Variants in ESRRG observed in about 807,000 individuals in gnomAD.
ESRRG encodes estrogen related receptor gamma.
ESRRG carries 13 observed loss-of-function variants against 44.0 expected under a neutral mutation model. The ratio of observed to expected loss-of-function variants is 0.30; its 90% CI spans 0.19 to 0.47. The LOEUF (loss-of-function observed/expected upper bound fraction) is 0.47, where lower values mean the gene tolerates loss of function less well. Ranked by LOEUF, ESRRG falls within the 20% of genes least tolerant of loss-of-function variation. The probability of loss-of-function intolerance (pLI) is 1.00; values close to 1 mark genes in which losing one functional copy is unlikely to be tolerated. For synonymous variants in ESRRG, 215 were observed against 214.6 expected (o/e 1.00, Z -0.02); for missense variants, 395 against 580.6 (o/e 0.68, Z 3.29).
chr1:216,715,944 G>T (rs1318130726), intron 1 of ESRRG, among the ~76,000 whole-genome samples: 1 of 152,020 alleles, frequency 6.6e-6, no homozygotes, highest in East Asian at 1.9e-4. Context: ...AAAGAATTTA[G>T]TGTGCTTCTG....
At chr1:216,844,889 A>G (rs2095716399) in intron 2 of ESRRG, among the ~76,000 whole-genome samples, 1 of 152,170 alleles carries the variant, frequency 6.6e-6, no homozygotes, top group Admixed American at 6.5e-5. Flanking sequence ...CCAGAACACA[A>G]GTAACCAGAA....
chr1:217,132,771 G>A (rs535720303), intron 1 of ESRRG, among the ~76,000 whole-genome samples: 18 of 152,026 alleles, frequency 1.2e-4, no homozygotes, highest in Non-Finnish European at 2.4e-4. Flanking sequence ...CCTCGTTTTG[G>A]GGGTTACAGG....
At chr1:217,134,964 A>T (rs1304734592) in intron 1 of ESRRG, among the ~76,000 whole-genome samples, 2 of 152,180 alleles carry the variant, frequency 1.3e-5, no homozygotes, top group African/African-American at 4.8e-5. Context: ...GAATTCAGGG[A>T]CCTGACCCTG....
intron 3 of ESRRG, among the ~76,000 whole-genome samples, chr1:216,607,204 T>C (rs767084574): frequency 6.6e-6 from 1 of 152,142 alleles, no homozygotes; most frequent in Non-Finnish European, 1.5e-5. Flanking sequence ...TCCAGCTGAA[T>C]GCTGACCACA....
intron 2 of ESRRG, among the ~76,000 whole-genome samples, chr1:216,882,853 T>C (rs1277286877): frequency 6.6e-6 from 1 of 152,140 alleles, no homozygotes; most frequent in African/African-American, 2.4e-5. Flanking sequence ...CTTCATACTT[T>C]GTCAGCTGTC....
intron 4 of ESRRG, 42 bp downstream of exon 4, chr1:216,567,946 G>A (rs768315211): frequency 1.5e-6 from 2 of 1,314,702 alleles, no homozygotes; most frequent in Non-Finnish European, 2.2e-6. Flanking sequence ...CAACTGGGAG[G>A]ATTTCGTGTT....
chr1:216,586,324 G>C (rs890100891), intron 3 of ESRRG, among the ~76,000 whole-genome samples: 2 of 152,060 alleles, frequency 1.3e-5, no homozygotes, highest in South Asian at 2.1e-4. Flanking sequence ...CAAAATAAAG[G>C]CTTCTAAAGA....
intron 3 of ESRRG, among the ~76,000 whole-genome samples, chr1:216,600,078 C>T (rs1429416302): frequency 6.6e-6 from 1 of 152,214 alleles, no homozygotes; most frequent in Non-Finnish European, 1.5e-5. Flanking sequence ...ATGATGTCTT[C>T]TCTAGGAGCC....
intron 2 of ESRRG, among the ~76,000 whole-genome samples, chr1:216,886,399 C>T (rs765422532): frequency 2.6e-4 from 39 of 152,266 alleles, no homozygotes; most frequent in Middle Eastern, 3.4e-3. Context: ...AAACTGATAG[C>T]TACTGTCTAC....
At chr1:216,811,597 T>C (rs544565625) in intron 2 of ESRRG, among the ~76,000 whole-genome samples, 147 of 152,272 alleles carry the variant, frequency 9.7e-4, no homozygotes, top group African/African-American at 3.4e-3. Flanking sequence ...TCCAATTGGT[T>C]GAATTTCAAC....
chr1:217,097,843 T>TA (rs5780964), intron 1 of ESRRG, among the ~76,000 whole-genome samples: 10,188 of 138,996 alleles, frequency 0.073, 522 homozygotes, highest in South Asian at 0.19. Context: ...CCAGGCTGCT[T>TA]AAAAAAAAAA....
At chr1:216,558,614 A>G (rs907126068) in intron 5 of ESRRG, among the ~76,000 whole-genome samples, 1 of 152,126 alleles carries the variant, frequency 6.6e-6, no homozygotes, top group African/African-American at 2.4e-5. Context: ...TATAATTTGA[A>G]AATTATTTAT....
rs1189658250 is a variant in ESRRG, at chr1:216,542,091, A to T, written c.862+22128T>A. ...CTATGACAGAGAGAGAGAGAGAGAG[A>T]GAGAGAGAGAGAGAGAGAGATAGAA... On this transcript the variant is annotated intron_variant, in intron 5 of 6. Transcript: ENST00000408911. Among the ~76,000 whole-genome samples the T allele has an allele frequency of 2.0e-5, 3 of 151,852 alleles. No individual in the cohort carries two copies. In the South Asian group the frequency reaches 6.2e-4, roughly 32 times the overall value.
At chr1:216,567,120 G>T (rs2059812168) in intron 4 of ESRRG, among the ~76,000 whole-genome samples, 1 of 152,132 alleles carries the variant, frequency 6.6e-6, no homozygotes, top group East Asian at 1.9e-4. Context: ...AGTGCTGGTT[G>T]TGTCTTCTTA....
intron 1 of ESRRG, among the ~76,000 whole-genome samples, chr1:216,976,030 C>T (rs1394310602): frequency 6.6e-6 from 1 of 152,136 alleles, no homozygotes; most frequent in African/African-American, 2.4e-5. Context: ...TCTCCCAGGG[C>T]TGAAGTTTCC....
chr1:217,043,170 A>C (rs1048890693), intron 1 of ESRRG, among the ~76,000 whole-genome samples: 1 of 152,178 alleles, frequency 6.6e-6, no homozygotes, highest in African/African-American at 2.4e-5. Context: ...GACATCCATC[A>C]AGAAACTCAG....
At chr1:216,970,710 G>C (rs1413734912) in intron 1 of ESRRG, among the ~76,000 whole-genome samples, 1 of 152,158 alleles carries the variant, frequency 6.6e-6, no homozygotes, top group African/African-American at 2.4e-5. Flanking sequence ...CATCTAAAAG[G>C]ACATTTTAGA....
chr1:216,751,489 T>C (rs2092001243), intron 2 of ESRRG, among the ~76,000 whole-genome samples: 1 of 152,132 alleles, frequency 6.6e-6, no homozygotes, highest in African/African-American at 2.4e-5. Flanking sequence ...GGGGGTATTT[T>C]GCCTCAGCCC....
intron 1 of ESRRG, among the ~76,000 whole-genome samples, chr1:217,095,977 A>T (rs368991013): frequency 6.6e-6 from 1 of 152,242 alleles, no homozygotes; most frequent in Admixed American, 6.5e-5. Context: ...GTGATGGCTT[A>T]AGCTGGTAAT....
Sources: allele counts gnomAD v4.1 joint callset (sites outside exome capture counted in the v4.1 genomes callset), GRCh38; gene constraint gnomAD v4.1.1; transcripts MANE v1.5; gene names NCBI Gene and HGNC (gene_info 2026-07-23, HGNC 2026-07-21).